BMP5: variants seen among roughly 807,000 people sequenced by gnomAD.
BMP5 encodes the protein bone morphogenetic protein 5.
BMP5 carries 23 observed loss-of-function variants against 46.6 expected under a neutral mutation model. The ratio of observed to expected loss-of-function variants is 0.49; its 90% CI spans 0.35 to 0.70. BMP5 has a LOEUF of 0.70. Among genes scored for constraint, BMP5 ranks in the 30% least tolerant of loss-of-function variants. The pLI is 0.00. For missense variants in BMP5, 545 were observed against 565.6 expected, an observed-to-expected ratio of 0.96 and a Z score of 0.37; for synonymous variants, 204 against 191.9, an observed-to-expected ratio of 1.06 and a Z score of -0.52.
chr6:55,809,692 T>G (rs1776076538), intron 2 of BMP5, among the ~76,000 whole-genome samples: 1 of 152,058 alleles, frequency 6.6e-6, no homozygotes, highest in Admixed American at 6.5e-5. Context: ...ATTTTTTATA[T>G]TCAAAGAGAA....
At chr6:55,822,269 C>T (rs1355190191) in intron 1 of BMP5, among the ~76,000 whole-genome samples, 2 of 152,132 alleles carry the variant, frequency 1.3e-5, no homozygotes, top group Non-Finnish European at 2.9e-5. Context: ...AGTCCAAAAT[C>T]CAAAACATTC....
chr6:55,823,326 C>T (rs1776453404), intron 1 of BMP5, among the ~76,000 whole-genome samples: 1 of 152,056 alleles, frequency 6.6e-6, no homozygotes, highest in Non-Finnish European at 1.5e-5. Context: ...TAACACATCA[C>T]AATACATAAT....
At chr6:55,764,922 T>C (rs1774884814) in intron 4 of BMP5, among the ~76,000 whole-genome samples, 1 of 152,124 alleles carries the variant, frequency 6.6e-6, no homozygotes, top group Admixed American at 6.5e-5. Flanking sequence ...CGATAATTAA[T>C]TCTACATTTC....
At chr6:55,779,768 C>T (rs1039542293) in intron 3 of BMP5, among the ~76,000 whole-genome samples, 15 of 152,008 alleles carry the variant, frequency 9.9e-5, no homozygotes, top group Admixed American at 2.0e-4. Context: ...ATTGTAAAAG[C>T]GCAGACCTGT....
rs79370657 is a variant in BMP5 at position 55,853,715 on chromosome 6, T to C, written c.490+20661A>G. 4.9e-3 allele frequency among the ~76,000 whole-genome samples: 745 copies of C among 152,274 alleles called. 3 individuals carry two copies. Among genetic ancestry groups the C allele is most frequent in the African/African-American group, 0.017 (697 of 41,568 alleles). Reference sequence around the variant, plus strand: ...TTAGCACATTTTTATTATTTATCCTTTAATAAACATTGTATTCCATGGAAG... The same window carrying C: ...TTAGCACATTTTTATTATTTATCCTCTAATAAACATTGTATTCCATGGAAG... On this transcript the variant is annotated intron_variant, in intron 1 of 6. Transcript: ENST00000370830.
intron 1 of BMP5, among the ~76,000 whole-genome samples, chr6:55,824,164 T>C (rs753876864): frequency 4.6e-5 from 7 of 151,936 alleles, no homozygotes; most frequent in Admixed American, 1.3e-4. Context: ...CTTATTCACA[T>C]TGTGACAAAT....
At chr6:55,760,197 CT>C (rs1309477334) in intron 5 of BMP5, among the ~76,000 whole-genome samples, 9 of 151,882 alleles carry the variant, frequency 5.9e-5, no homozygotes, top group African/African-American at 9.6e-5. Context: ...CAACGGCACT[CT>C]TTTTTTTCTT....
chr6:55,782,630 T>C (rs927062203), intron 3 of BMP5, among the ~76,000 whole-genome samples: 12 of 152,290 alleles, frequency 7.9e-5, no homozygotes, highest in African/African-American at 2.9e-4. Flanking sequence ...CTATCAGTTG[T>C]GTTACTTCAG....
At chr6:55,772,711 T>A (rs981472774) in intron 4 of BMP5, 36 of 973,828 alleles carry the variant, frequency 3.7e-5, no homozygotes, top group Non-Finnish European at 4.4e-5. Flanking sequence ...CTAAAAGTGG[T>A]TAAATTTCTT....
At chr6:55,775,151 A>T (rs745946667) in intron 3 of BMP5, among the ~76,000 whole-genome samples, 13 of 151,944 alleles carry the variant, frequency 8.6e-5, no homozygotes, top group Non-Finnish European at 1.8e-4. Flanking sequence ...CCAATATAGG[A>T]GTGAGTTAAA....
intron 2 of BMP5, among the ~76,000 whole-genome samples, chr6:55,801,860 G>A (rs1041761862): frequency 1.8e-4 from 28 of 152,204 alleles, no homozygotes; most frequent in African/African-American, 5.5e-4. Context: ...ATACTGCATC[G>A]CTTCTGATAA....
At chr6:55,759,233 G>A in intron 5 of BMP5, 118 bp from the exon 6 acceptor site, 1 of 638,870 alleles carries the variant, frequency 1.6e-6, no homozygotes, top group Non-Finnish European at 2.6e-6. Flanking sequence ...AATCTTAAAA[G>A]TTATTGAAAT....
At chr6:55,858,258 ACC>A (rs2127552568) in intron 1 of BMP5, among the ~76,000 whole-genome samples, 1 of 152,302 alleles carries the variant, frequency 6.6e-6, no homozygotes, top group South Asian at 2.1e-4. Flanking sequence ...TTCAGCAATT[ACC>A]TATAGGATGA....
At chr6:55,786,285 A>G (rs1775447615) in intron 3 of BMP5, among the ~76,000 whole-genome samples, 1 of 151,804 alleles carries the variant, frequency 6.6e-6, no homozygotes, top group Non-Finnish European at 1.5e-5. Context: ...ATATGCTTAA[A>G]GATTACAATT....
chr6:55,871,299 A>T (rs1037063282), intron 1 of BMP5, among the ~76,000 whole-genome samples: 1 of 151,954 alleles, frequency 6.6e-6, no homozygotes, highest in Admixed American at 6.6e-5. Context: ...AGTTCCACTG[A>T]TATTCAACAG....
At chr6:55,799,267 C>A (rs1285925129) in intron 2 of BMP5, among the ~76,000 whole-genome samples, 1 of 152,130 alleles carries the variant, frequency 6.6e-6, no homozygotes, top group African/African-American at 2.4e-5. Context: ...TGCCATAATA[C>A]AAATGTCTCT....
chr6:55,779,325 G>C (rs1043772254), intron 3 of BMP5, among the ~76,000 whole-genome samples: 1 of 151,978 alleles, frequency 6.6e-6, no homozygotes, highest in South Asian at 2.1e-4. Flanking sequence ...ACCTGTGATG[G>C]AACTTGTGCA....
chr6:55,870,278 A>G (rs2127556411), intron 1 of BMP5, among the ~76,000 whole-genome samples: 1 of 152,146 alleles, frequency 6.6e-6, no homozygotes, highest in South Asian at 2.1e-4. Context: ...TGTCATGCCA[A>G]TCACTTGATA....
At chr6:55,870,463 C>T (rs1777757881) in intron 1 of BMP5, among the ~76,000 whole-genome samples, 1 of 152,052 alleles carries the variant, frequency 6.6e-6, no homozygotes, top group Non-Finnish European at 1.5e-5. Flanking sequence ...TTACTCCAGG[C>T]ATAATTTATG....
Sources: gnomAD v4.1 joint callset for allele counts (sites outside exome capture counted in the v4.1 genomes callset) on GRCh38, gnomAD v4.1.1 for gene constraint, MANE v1.5 for transcripts, NCBI Gene and HGNC (gene_info 2026-07-23, HGNC 2026-07-21) for gene names.